The following GALNT2 variants were observed in gnomAD, a reference collection of about 807,000 sequenced individuals.
GALNT2 encodes the protein UDP-GalNAc:polypeptide N-acetylgalactosaminyltransferase 2.
Under a neutral mutation model 81.4 loss-of-function variants are expected in GALNT2, and 31 were observed. The observed-to-expected ratio is 0.38, with a 90% CI of 0.29 to 0.51. The LOEUF (loss-of-function observed/expected upper bound fraction) is 0.51. Among genes scored for constraint, GALNT2 ranks in the 20% least tolerant of loss-of-function variants. The pLI, the probability that GALNT2 is intolerant of heterozygous loss-of-function variation, is 0.87. For synonymous variants in GALNT2, 303 were observed against 287.4 expected (o/e 1.05, Z -0.55); for missense variants, 629 against 765.7 (o/e 0.82, Z 2.11).
chr1:230,059,407 G>C (rs1369212520), intron 1 of GALNT2, among the ~76,000 whole-genome samples: 1 of 152,234 alleles, frequency 6.6e-6, no homozygotes, highest in South Asian at 2.1e-4. Context: ...AATGTATATA[G>C]AGTTTCCTAC....
At chr1:230,089,605 C>CT (rs1158883564) in intron 1 of GALNT2, among the ~76,000 whole-genome samples, 1 of 152,208 alleles carries the variant, frequency 6.6e-6, no homozygotes, top group South Asian at 2.1e-4. Flanking sequence ...GGCCAGGGTT[C>CT]TACCTTCTGT....
At chr1:230,063,349 G>A (rs1012020564), upstream of GALNT2, among the ~76,000 whole-genome samples, 2 of 151,952 alleles carry the variant, frequency 1.3e-5, no homozygotes, top group African/African-American at 4.8e-5. Context: ...CTATCCTAAT[G>A]GATATGAAGT....
intron 1 of GALNT2, among the ~76,000 whole-genome samples, chr1:230,171,124 G>A (rs1415498978): frequency 6.6e-6 from 1 of 152,184 alleles, no homozygotes; most frequent in Admixed American, 6.5e-5. Context: ...TACCCTGGTG[G>A]AACGCCAACC....
rs1666398815 is a variant in GALNT2 at position 230,280,171 on chromosome 1, G to A, written c.*713G>A. 5.4e-6 allele frequency: 2 copies of A among 367,780 alleles called. No individual in the cohort carries two copies. The highest frequency in any genetic ancestry group is 1.1e-5 in the Non-Finnish European group (2 of 185,704). 22.8% of individuals were successfully genotyped at this position (367,780 alleles called of 1,614,324 possible). A position where few individuals can be genotyped will look rare whatever the true frequency, so the allele number is the denominator to read the frequency against. Reference sequence around the variant, plus strand: ...TCGCAGCTTCCGGGAGAAGGGGCCAGAGCCCGGTGGGGCCAGTTTCTCACA... The same window carrying A: ...TCGCAGCTTCCGGGAGAAGGGGCCAAAGCCCGGTGGGGCCAGTTTCTCACA... On this transcript the variant is annotated 3_prime_UTR_variant, in exon 16 of 16. Coordinates refer to ENST00000366672, the MANE Select transcript of GALNT2 (RefSeq NM_004481.5).
chr1:230,273,825 C>T (rs1264496577), intron 14 of GALNT2, among the ~76,000 whole-genome samples: 1 of 152,154 alleles, frequency 6.6e-6, no homozygotes, highest in African/African-American at 2.4e-5. Context: ...CACATAGCAC[C>T]CCATTAAATT....
intron 1 of GALNT2, among the ~76,000 whole-genome samples, chr1:230,086,276 T>TA (rs1395064273): frequency 6.6e-6 from 1 of 152,158 alleles, no homozygotes; most frequent in Non-Finnish European, 1.5e-5. Context: ...TGATGGTGAC[T>TA]AGGGATACAG....
chr1:230,216,324 T>C (rs1664388945), intron 3 of GALNT2, among the ~76,000 whole-genome samples: 1 of 152,244 alleles, frequency 6.6e-6, no homozygotes, highest in African/African-American at 2.4e-5. Context: ...CGTATTTCAC[T>C]TGAATATGGT....
chr1:230,233,991 A>T (rs1664946513), intron 3 of GALNT2, among the ~76,000 whole-genome samples: 1 of 152,178 alleles, frequency 6.6e-6, no homozygotes, highest in African/African-American at 2.4e-5. Flanking sequence ...AGTTATGGGA[A>T]GGCGAGGGGC....
At chr1:230,277,989 A>G (rs1480435874) in intron 15 of GALNT2, among the ~76,000 whole-genome samples, 6 of 151,832 alleles carry the variant, frequency 4.0e-5, no homozygotes, top group Non-Finnish European at 8.8e-5. Flanking sequence ...ACAGTATAAA[A>G]AATTAATTAG....
At chr1:230,181,553 G>A (rs539432017) in intron 2 of GALNT2, among the ~76,000 whole-genome samples, 2 of 149,690 alleles carry the variant, frequency 1.3e-5, no homozygotes, top group African/African-American at 2.5e-5. Flanking sequence ...AGTACCTTTC[G>A]TTTCCTTTTT....
intron 14 of GALNT2, among the ~76,000 whole-genome samples, chr1:230,270,079 T>C (rs1666129209): frequency 6.6e-6 from 1 of 152,216 alleles, no homozygotes; most frequent in South Asian, 2.1e-4. Context: ...TGGGCACCTG[T>C]AATCCCAGCT....
Position 230,246,087 on chromosome 1 carries a change from A to G in GALNT2, c.754A>G (p.Ile252Val), listed in dbSNP as rs1665360258. The change falls in exon 8 of 16, where the codon ATC (isoleucine) becomes GTC (valine). Residue 252 changes from isoleucine to valine, a missense_variant. Transcript: ENST00000366672. ...AEDRTRVVSP[I>V]IDVINMDNFQ... ...GGACAGGACTCGGGTTGTGTCACCC[A>G]TCATCGATGTCATTAATATGGACAA... is the stretch of plus-strand genomic sequence containing the variant. The G allele has an allele frequency of 6.2e-7, 1 of 1,614,024 alleles. No individual in the cohort carries two copies.
At chr1:230,269,319 G>A (rs1666113180) in intron 14 of GALNT2, among the ~76,000 whole-genome samples, 1 of 151,850 alleles carries the variant, frequency 6.6e-6, no homozygotes, top group Non-Finnish European at 1.5e-5. Context: ...TCAAGTAGCA[G>A]GGATTACAGG....
intron 1 of GALNT2, among the ~76,000 whole-genome samples, chr1:230,143,761 G>A (rs752786379): frequency 1.3e-5 from 2 of 152,196 alleles, no homozygotes; most frequent in Non-Finnish European, 2.9e-5. Context: ...CCACACGCAC[G>A]TGGGTGACAT....
intron 11 of GALNT2, among the ~76,000 whole-genome samples, chr1:230,260,512 GA>G (rs1665847433): frequency 6.6e-6 from 1 of 152,156 alleles, no homozygotes; most frequent in South Asian, 2.1e-4. Context: ...AGTATGACTG[GA>G]GTTGATAAAA....
intron 10 of GALNT2, among the ~76,000 whole-genome samples, chr1:230,254,324 G>C (rs1020727410): frequency 1.3e-5 from 2 of 152,092 alleles, no homozygotes; most frequent in East Asian, 3.9e-4. Context: ...AGTAGGTGTG[G>C]GTAGTGCCTA....
At chr1:230,249,692 AT>A (rs1665483911) in intron 9 of GALNT2, among the ~76,000 whole-genome samples, 1 of 151,896 alleles carries the variant, frequency 6.6e-6, no homozygotes, top group Non-Finnish European at 1.5e-5. Context: ...TGCTTTTAAG[AT>A]TCCCAGGCCG....
rs533971643 is a variant in GALNT2, at chr1:230,247,236, T to C, written c.817+1086T>C. On this transcript the variant is annotated intron_variant, in intron 8 of 15. Transcript: ENST00000366672. The stretch of plus-strand genomic sequence containing the variant: ...CTGCTTATTCATACACACACACATA[T>C]GTGTGCAAGCAAGCCTTAACCCCAG... 9.9e-5 allele frequency among the ~76,000 whole-genome samples: 15 copies of C among 152,248 alleles called. No homozygotes were observed. In the South Asian group the frequency reaches 3.1e-3, roughly 32 times the overall value.
intron 1 of GALNT2, among the ~76,000 whole-genome samples, chr1:230,103,511 A>T (rs112415276): frequency 1.3e-5 from 2 of 152,152 alleles, no homozygotes; most frequent in Admixed American, 1.3e-4. Flanking sequence ...TTGGAAAGAA[A>T]TGTAAGTCAC....
Sources: allele counts gnomAD v4.1 joint callset (sites outside exome capture counted in the v4.1 genomes callset), GRCh38; gene constraint gnomAD v4.1.1; transcripts MANE v1.5; gene names NCBI Gene and HGNC (gene_info 2026-07-23, HGNC 2026-07-21).